RASA3: variants seen among roughly 807,000 people sequenced by gnomAD.
RASA3 encodes ras GTPase-activating protein 3.
RASA3 carries 73 observed loss-of-function variants against 110.0 expected under a neutral mutation model. The ratio of observed to expected loss-of-function variants is 0.66; its 90% CI spans 0.55 to 0.81. RASA3 has a LOEUF of 0.81. RASA3 is among the 30% of genes least tolerant of loss of function. The pLI is 0.00. For missense variants in RASA3, 976 were observed against 1,113.2 expected, an observed-to-expected ratio of 0.88 and a Z score of 1.75; for synonymous variants, 500 against 451.4, an observed-to-expected ratio of 1.11 and a Z score of -1.37.
chr13:114,034,729 A>C (rs958485099), intron 4 of RASA3, among the ~76,000 whole-genome samples: 29 of 152,270 alleles, frequency 1.9e-4, no homozygotes, highest in African/African-American at 6.8e-4. Context: ...GTTCTAAATA[A>C]CACACAGATC....
chr13:114,069,359 C>G (rs1288688186), intron 2 of RASA3, among the ~76,000 whole-genome samples: 2 of 150,176 alleles, frequency 1.3e-5, no homozygotes, highest in Admixed American at 1.3e-4. Flanking sequence ...TTTTTCTTTC[C>G]ACAGCGACTT....
In RASA3 at chr13:114,056,493, C is replaced by T. The variant is rs1429455310; in HGVS notation, c.174-4338G>A. 1.0e-6 allele frequency: 1 copy of T among 985,316 alleles called. No homozygotes were observed. The highest frequency in any genetic ancestry group is 1.1e-4 in the East Asian group (1 of 8,770). 61.0% of individuals were successfully genotyped at this position (985,316 alleles called of 1,614,324 possible). Reference sequence around the variant, plus strand: ...GCAGCAGGGCTGAGAGTGCGGCGTCCCTGGGCGCTGCCCGGTAGCGGGGTG... The same window carrying T: ...GCAGCAGGGCTGAGAGTGCGGCGTCTCTGGGCGCTGCCCGGTAGCGGGGTG... On this transcript the variant is annotated intron_variant, in intron 2 of 23. Transcript: ENST00000334062. The surrounding 1 kb of genome is among the most constrained non-coding windows in gnomAD (Gnocchi z 5.7).
chr13:114,045,350 G>A (rs950039804), intron 3 of RASA3, among the ~76,000 whole-genome samples: 36 of 152,192 alleles, frequency 2.4e-4, no homozygotes, highest in African/African-American at 8.2e-4. Flanking sequence ...GGCCGGAAGG[G>A]TCACTTTCTT....
rs183407326 is a variant in RASA3 at position 114,078,647 on chromosome 13, A to G, written c.56-4810T>C. On this transcript the variant is annotated intron_variant, in intron 1 of 23. Transcript: ENST00000334062. ...ACACATTTAATGTAAACAGCATAAC[A>G]CCGCAAAACCTGATTTCCAACTCCA... Among the ~76,000 whole-genome samples the G allele has an allele frequency of 1.2e-4, 18 of 152,336 alleles. No individual in the cohort carries two copies. The East Asian group carries it at 3.3e-3, about 28-fold the overall frequency.
At chr13:114,051,896 C>G (rs1380806404) in intron 3 of RASA3, among the ~76,000 whole-genome samples, 156 bp downstream of exon 3, 5 of 152,198 alleles carry the variant, frequency 3.3e-5, no homozygotes, top group Admixed American at 2.6e-4. Flanking sequence ...GGCCAGATCC[C>G]AAGAGCAGAT....
chr13:114,067,311 C>T (rs1363099820), intron 2 of RASA3, among the ~76,000 whole-genome samples: 1 of 152,246 alleles, frequency 6.6e-6, no homozygotes, highest in East Asian at 1.9e-4. Context: ...GATGGGTCCC[C>T]TACTCCAGCA....
chr13:114,122,873 A>G (rs1313759448), intron 1 of RASA3, among the ~76,000 whole-genome samples: 1 of 152,192 alleles, frequency 6.6e-6, no homozygotes, highest in Non-Finnish European at 1.5e-5. Flanking sequence ...CAGCTGCCAC[A>G]GTGCTGAGCA....
intron 23 of RASA3, 124 bp from the exon 24 acceptor site, chr13:113,979,546 A>T: frequency 1.2e-6 from 1 of 802,568 alleles, no homozygotes. Context: ...CACAAAAAAT[A>T]GAGGAGCCAA....
intron 16 of RASA3, among the ~76,000 whole-genome samples, chr13:114,010,369 G>T (rs1381566529): frequency 2.6e-5 from 4 of 151,992 alleles, no homozygotes; most frequent in African/African-American, 7.2e-5. Flanking sequence ...CCCTGGCCTG[G>T]CCCCTGCAGA....
chr13:114,054,640 A>G (rs2079206373), intron 2 of RASA3, among the ~76,000 whole-genome samples: 1 of 152,258 alleles, frequency 6.6e-6, no homozygotes, highest in East Asian at 1.9e-4. Context: ...GTCATAAAAC[A>G]ATCTTCCAAG....
chr13:113,981,860 T>TGTGGAGG lies in RASA3; in HGVS notation c.2246-9_2246-3dup. 6.2e-7 allele frequency: 1 copy of TGTGGAGG among 1,613,202 alleles called. No homozygotes were observed. The highest frequency in any genetic ancestry group is 8.5e-7 in the Non-Finnish European group (1 of 1,179,704). ...ACACAGATTTGCTCCCACAGGCCTCTGTGGAGGGCGGAGGGGTCAGCGCAG... is the reference window on the plus strand; with the variant it reads ...ACACAGATTTGCTCCCACAGGCCTCTGTGGAGGGTGGAGGGCGGAGGGGTCAGCGCAG... On this transcript the variant is annotated splice_region_variant and splice_polypyrimidine_tract_variant and intron_variant, in intron 22 of 23. Transcript: ENST00000334062.
Position 114,009,375 on chromosome 13 carries a change from G to A in RASA3, c.1668+12C>T. 4 of 1,606,734 alleles carry A rather than the reference G, an allele frequency of 2.5e-6. No individual in the cohort carries two copies. The highest frequency in any genetic ancestry group is 3.4e-6 in the Non-Finnish European group (4 of 1,174,358). On this transcript the variant is annotated intron_variant, in intron 17 of 23. Transcript: ENST00000334062. The stretch of plus-strand genomic sequence containing the variant: ...CGGCACACGGGCGGTCGGAGGGTGA[G>A]TCGATACTTACGTTCTTCACCGCAT...
chr13:114,013,658 C>T (rs1343929708), intron 14 of RASA3, among the ~76,000 whole-genome samples: 1 of 146,484 alleles, frequency 6.8e-6, no homozygotes, highest in Non-Finnish European at 1.5e-5. Flanking sequence ...GTCTCTCTCC[C>T]TCTTTGTCCC....
At position 114,112,077 on chromosome 13, in the gene RASA3, C is replaced by T. The variant is rs1193178223; in HGVS notation, c.55+20358G>A. Among the ~76,000 whole-genome samples, 1 of 140,046 alleles carries T rather than the reference C, an allele frequency of 7.1e-6. No individual in the cohort carries two copies. The highest frequency in any genetic ancestry group is 2.7e-5 in the African/African-American group (1 of 36,684). 91.9% of individuals were successfully genotyped at this position (140,046 alleles called of 152,430 possible). Reference sequence around the variant, plus strand: ...TAAGTGACACTGTCCCTCCCTCTCCCTGGAAACAGCAGCCCCCAGGCACCC... The same window carrying T: ...TAAGTGACACTGTCCCTCCCTCTCCTTGGAAACAGCAGCCCCCAGGCACCC... On this transcript the variant is annotated intron_variant, in intron 1 of 23. Coordinates refer to ENST00000334062, the MANE Select transcript of RASA3 (RefSeq NM_007368.4). The surrounding 1 kb of genome is among the most constrained non-coding windows in gnomAD (Gnocchi z 4.8).
At position 114,014,718 on chromosome 13, in the gene RASA3, C is replaced by T. The variant is rs1422948582; in HGVS notation, c.1405+491G>A. ...GCTTGGGGGTTTGAAGAAAGGGCAG[C>T]TCCCCCAGGGGTCCTGTCTCTTCGA... On this transcript the variant is annotated intron_variant, in intron 14 of 23. Coordinates refer to ENST00000334062, the MANE Select transcript of RASA3 (RefSeq NM_007368.4). This position sits in a 1 kb window ranked among gnomAD's most constrained non-coding sequence, Gnocchi z 4.5. Among the ~76,000 whole-genome samples the T allele has an allele frequency of 6.6e-6, 1 of 152,142 alleles. No homozygotes were observed. Among genetic ancestry groups the T allele is most frequent in the Non-Finnish European group, 1.5e-5 (1 of 67,998 alleles).
At chr13:114,119,311 C>T (rs1008325360) in intron 1 of RASA3, among the ~76,000 whole-genome samples, 1 of 152,174 alleles carries the variant, frequency 6.6e-6, no homozygotes, top group Non-Finnish European at 1.5e-5. Context: ...ACTGGAGGAG[C>T]GCTAAATGGA....
intron 1 of RASA3, among the ~76,000 whole-genome samples, chr13:114,097,290 C>G (rs556307764): frequency 6.6e-6 from 1 of 152,240 alleles, no homozygotes; most frequent in Non-Finnish European, 1.5e-5. Context: ...TAAGGTCAGA[C>G]GGCAGGTGCC....
intron 1 of RASA3, among the ~76,000 whole-genome samples, chr13:114,083,338 A>T (rs9525246): frequency 0.94 from 143,481 of 152,342 alleles, 67,921 homozygotes; most frequent in Non-Finnish European, 1. Context: ...TGTGTGGCCC[A>T]TCCTGATTTC....
At chr13:114,122,667 A>T (rs1216986023) in intron 1 of RASA3, among the ~76,000 whole-genome samples, 1 of 146,884 alleles carries the variant, frequency 6.8e-6, no homozygotes, top group Non-Finnish European at 1.5e-5. Flanking sequence ...CTGACATGGA[A>T]GCAGAGGGCA....
Sources: gnomAD v4.1 joint callset for allele counts (sites outside exome capture counted in the v4.1 genomes callset) on GRCh38, gnomAD v4.1.1 for gene constraint, Gnocchi (gnomAD v3.1) non-coding constraint, MANE v1.5 for transcripts, NCBI Gene and HGNC (gene_info 2026-07-23, HGNC 2026-07-21) for gene names.